The following POLA1 variants were observed in gnomAD, a reference collection of about 807,000 sequenced individuals.
POLA1 encodes the protein DNA polymerase alpha catalytic subunit.
POLA1 carries 15 observed loss-of-function variants against 124.0 expected under a neutral mutation model. That is an observed-to-expected ratio of 0.12 (90% confidence interval 0.08 to 0.19). The LOEUF (loss-of-function observed/expected upper bound fraction) is 0.19, where lower values mean the gene tolerates loss of function less well. Among genes scored for constraint, POLA1 ranks in the 10% least tolerant of loss-of-function variants. The probability of loss-of-function intolerance (pLI) is 1.00; values close to 1 mark genes in which losing one functional copy is unlikely to be tolerated. For synonymous variants in POLA1, 408 were observed against 389.4 expected (o/e 1.05, Z -0.56); for missense variants, 886 against 1,103.4 (o/e 0.80, Z 2.79).
At chrX:24,754,822 ACT>A (rs951452369) in intron 26 of POLA1, among the ~76,000 whole-genome samples, 5 of 110,725 alleles carry the variant, frequency 4.5e-5, no homozygotes, top group African/African-American at 6.6e-5. Flanking sequence ...CAGGAGAAAA[ACT>A]CTACTCTGTA....
intron 26 of POLA1, among the ~76,000 whole-genome samples, chrX:24,790,886 C>T (rs892896374): frequency 1.7e-4 from 16 of 94,573 alleles, no homozygotes; most frequent in Non-Finnish European, 2.9e-4. Context: ...GTATATACAG[C>T]CCCCACTCAT....
chrX:24,850,777 G>T (rs1005377899), intron 34 of POLA1, among the ~76,000 whole-genome samples: 1 of 112,041 alleles, frequency 8.9e-6, no homozygotes, highest in Non-Finnish European at 1.9e-5. Context: ...CGGGGATGGA[G>T]AACTATATGG....
Position 24,777,935 on chromosome X carries a change from G to A in POLA1, c.2964+28943G>A, listed in dbSNP as rs184991077. 1.7e-4 allele frequency among the ~76,000 whole-genome samples: 19 copies of A among 112,373 alleles called. No individual in the cohort carries two copies. The East Asian group carries it at 4.2e-3, about 25-fold the overall frequency. On this transcript the variant is annotated intron_variant, in intron 26 of 36. Coordinates refer to ENST00000379068, the MANE Select transcript of POLA1 (RefSeq NM_001330360.2). ...TGGTTCAGGGTGGAAAGTATACACA[G>A]TTAAAAGTAATGTTATATGGTCTTG...
intron 26 of POLA1, among the ~76,000 whole-genome samples, chrX:24,771,205 G>A (rs1051155611): frequency 1.8e-5 from 2 of 111,059 alleles, no homozygotes; most frequent in African/African-American, 6.6e-5. Flanking sequence ...GTGTTCTGAA[G>A]TTTGCCAAAC....
chrX:24,972,388 TTCTTTATCCTGCTCTCTCACC>T (rs1392850533), intron 36 of POLA1, among the ~76,000 whole-genome samples: 3 of 112,305 alleles, frequency 2.7e-5, no homozygotes, highest in Non-Finnish European at 5.6e-5. Context: ...TTCTGACATC[TTCTTTATCCTGCTCTCTCACC>T]TCTTTCTAAG....
intron 35 of POLA1, among the ~76,000 whole-genome samples, chrX:24,888,591 TG>T (rs2047095063): frequency 9.5e-6 from 1 of 105,771 alleles, no homozygotes; most frequent in Non-Finnish European, 1.9e-5. Flanking sequence ...CTTTGTTTTT[TG>T]TTTGCTTGTT....
At chrX:24,915,542 A>G (rs1156678817) in intron 35 of POLA1, among the ~76,000 whole-genome samples, 1 of 111,827 alleles carries the variant, frequency 8.9e-6, no homozygotes, top group African/African-American at 3.3e-5. Context: ...ATAAAAGTTT[A>G]TCTAAAAGAA....
At chrX:24,705,891 A>T (rs1400291152) in intron 4 of POLA1, among the ~76,000 whole-genome samples, 1 of 112,012 alleles carries the variant, frequency 8.9e-6, no homozygotes, top group Non-Finnish European at 1.9e-5. Context: ...CTACAATATA[A>T]AGTCTGTCCT....
chrX:24,945,189 G>A (rs1217965367), intron 36 of POLA1, among the ~76,000 whole-genome samples: 1 of 113,023 alleles, frequency 8.8e-6, no homozygotes, highest in Non-Finnish European at 1.9e-5. Context: ...CAGGCAATAC[G>A]TAAAATGCTT....
rs988600566 is a variant in POLA1 at position 24,717,481 on chromosome X, G to A, written c.898G>A (p.Val300Met). 2 of 1,208,824 alleles carry A rather than the reference G, an allele frequency of 1.7e-6. No individual in the cohort carries two copies. The highest frequency in any genetic ancestry group is 4.6e-4 in the Middle Eastern group (2 of 4,347). ...KQEADSGKGT[V>M]SYLGSFLPDV... ...AGAGGCGGATTCTGGGAAAGGGACCGTGTCCTACTTGTAAGAGCATTTTAT... is the reference window on the plus strand; with the variant it reads ...AGAGGCGGATTCTGGGAAAGGGACCATGTCCTACTTGTAAGAGCATTTTAT... The change falls in exon 9 of 37, where the codon GTG (valine) becomes ATG (methionine). Residue 300 changes from valine (V) to methionine (M), a missense_variant. Val to Met is a conservative substitution (Grantham distance 21). Transcript: ENST00000379068.
intron 10 of POLA1, 140 bp downstream of exon 10, chrX:24,717,898 A>C: frequency 2.3e-6 from 1 of 434,131 alleles, no homozygotes; most frequent in Non-Finnish European, 3.8e-6. Flanking sequence ...TTTATCCTTA[A>C]ATACTTGAGT....
intron 34 of POLA1, among the ~76,000 whole-genome samples, chrX:24,861,812 C>T (rs2046719200): frequency 8.9e-6 from 1 of 112,235 alleles, no homozygotes; most frequent in Non-Finnish European, 1.9e-5. Flanking sequence ...TAAATGTTAA[C>T]GTTTATGAAA....
intron 26 of POLA1, among the ~76,000 whole-genome samples, chrX:24,790,937 AT>A (rs1262823183): frequency 6.8e-5 from 7 of 102,915 alleles, no homozygotes; most frequent in African/African-American, 1.4e-4. Flanking sequence ...ATATATATAT[AT>A]ATAAAACATT....
chrX:24,884,718 A>G (rs1749983662), intron 34 of POLA1, among the ~76,000 whole-genome samples: 1 of 112,144 alleles, frequency 8.9e-6, no homozygotes, highest in Non-Finnish European at 1.9e-5. Context: ...AGTTCCCTTC[A>G]CACAGTTATC....
At position 24,952,950 on chromosome X, in the gene POLA1, G is replaced by A. The variant is rs754091940; in HGVS notation, c.4261+22401G>A. 1.2e-4 allele frequency among the ~76,000 whole-genome samples: 13 copies of A among 112,219 alleles called. No homozygotes were observed. In the South Asian group the frequency reaches 2.2e-3, roughly 19 times the overall value. On this transcript the variant is annotated intron_variant, in intron 36 of 36. Transcript: ENST00000379068. The stretch of plus-strand genomic sequence containing the variant: ...TTTGGTTGCCATTTTTAAAGAGAAT[G>A]TCAGTAGTTGGTAGTGATAGGTAAA...
intron 35 of POLA1, among the ~76,000 whole-genome samples, chrX:24,919,758 A>G (rs2147194814): frequency 1.9e-5 from 2 of 104,623 alleles, no homozygotes; most frequent in African/African-American, 3.5e-5. Context: ...ATTAAGCCCA[A>G]CACGCACTAG....
At chrX:24,780,526 A>T (rs1013253361) in intron 26 of POLA1, among the ~76,000 whole-genome samples, 4 of 111,976 alleles carry the variant, frequency 3.6e-5, no homozygotes, top group Non-Finnish European at 7.5e-5. Flanking sequence ...ATTTTTTCAA[A>T]TGCCTTTTCT....
intron 26 of POLA1, among the ~76,000 whole-genome samples, chrX:24,771,848 A>AT (rs1288678791): frequency 9.0e-6 from 1 of 111,604 alleles, no homozygotes; most frequent in Non-Finnish European, 1.9e-5. Context: ...GGTTTTTATT[A>AT]TTTTTTTCTG....
At chrX:24,909,432 C>T (rs1178779017) in intron 35 of POLA1, among the ~76,000 whole-genome samples, 4 of 111,847 alleles carry the variant, frequency 3.6e-5, no homozygotes, top group Non-Finnish European at 7.5e-5. Context: ...AGGAAGGGAT[C>T]CAGTTTCAGC....
Sources: gnomAD v4.1 joint callset for allele counts (sites outside exome capture counted in the v4.1 genomes callset) on GRCh38, gnomAD v4.1.1 for gene constraint, MANE v1.5 for transcripts, NCBI Gene and HGNC (gene_info 2026-07-23, HGNC 2026-07-21) for gene names.